DOP1A: variants seen among roughly 807,000 people sequenced by gnomAD.
DOP1A encodes the protein DOP1 leucine zipper like protein A.
DOP1A carries 90 observed loss-of-function variants against 267.6 expected under a neutral mutation model. The observed-to-expected ratio is 0.34, with a 90% CI of 0.28 to 0.40. The LOEUF (loss-of-function observed/expected upper bound fraction) is 0.40. Among genes scored for constraint, DOP1A ranks in the 10% least tolerant of loss-of-function variants. The pLI is 1.00. For missense variants in DOP1A, 2,437 were observed against 2,900.4 expected, an observed-to-expected ratio of 0.84 and a Z score of 3.67; for synonymous variants, 932 against 999.1, an observed-to-expected ratio of 0.93 and a Z score of 1.27.
At chr6:83,141,839 A>G in intron 23 of DOP1A, 82 bp from the exon 24 acceptor site, 1 of 1,459,154 alleles carries the variant, frequency 6.9e-7, no homozygotes. Context: ...TATTATTTCA[A>G]AGAAACCAAA....
At chr6:83,075,576 CA>C (rs1001635084) in intron 1 of DOP1A, among the ~76,000 whole-genome samples, 11 of 151,998 alleles carry the variant, frequency 7.2e-5, no homozygotes, top group Admixed American at 6.6e-5. Flanking sequence ...GGGTGGCTCT[CA>C]AAAAATGCAT....
At chr6:83,104,716 C>T (rs9353121) in intron 4 of DOP1A, among the ~76,000 whole-genome samples, 119,594 of 151,966 alleles carry the variant, frequency 0.79, 47,160 homozygotes, top group South Asian at 0.84. Flanking sequence ...AATTTGCCTA[C>T]TTTTACTAAA....
rs868143481 is a variant in DOP1A, at chr6:83,151,520, G to A, written c.5838-73G>A. On this transcript the variant is annotated intron_variant, in intron 27 of 38. Coordinates refer to ENST00000349129, the MANE Select transcript of DOP1A (RefSeq NM_015018.4). ...AGACCATTAAGCCGCTTAACTCATC[G>A]TGAGAAATTAGATCGCATTAGTTTC... The A allele has an allele frequency of 4.1e-5, 50 of 1,219,050 alleles. 2 individuals are homozygous for A. In the Middle Eastern group the frequency reaches 8.9e-3, roughly 217 times the overall value. The allele number at this position is 1,219,050 out of a possible 1,614,324, so 75.5% of individuals were successfully genotyped here.
chr6:83,117,766 T>C lies in DOP1A; in HGVS notation c.781-1122T>C, dbSNP rs552946992. ...GCTGGTTTTTACTTTGTGCACCCCC[T>C]GAAAAAGTCTTAGAGATACCTAGGG... On this transcript the variant is annotated intron_variant, in intron 7 of 38. Coordinates refer to ENST00000349129, the MANE Select transcript of DOP1A (RefSeq NM_015018.4). Among the ~76,000 whole-genome samples the C allele has an allele frequency of 2.0e-4, 30 of 152,300 alleles. 1 individual carries two copies. The highest frequency in any genetic ancestry group is 7.2e-4 in the African/African-American group (30 of 41,584).
In DOP1A at chr6:83,137,677, A is replaced by G. The variant is rs1779062844; in HGVS notation, c.3635A>G (p.Glu1212Gly). ...QQSQNALLSN[E>G]SSQFLSVSAE... Reference sequence around the variant, plus strand: ...AGTCAGAATGCTTTGCTGAGTAATGAAAGTTCTCAGTTTCTGTCTGTGTCT... The same window carrying G: ...AGTCAGAATGCTTTGCTGAGTAATGGAAGTTCTCAGTTTCTGTCTGTGTCT... The change falls in exon 21 of 39, where the codon GAA (glutamate) becomes GGA (glycine). Residue 1212 changes from glutamate (E) to glycine (G), a missense_variant. This residue lies in a region of DOP1A where 878 missense variants were observed against 992.9 expected (regional missense o/e 0.88). Coordinates refer to ENST00000349129, the MANE Select transcript of DOP1A (RefSeq NM_015018.4). The G allele has an allele frequency of 2.5e-6, 4 of 1,613,604 alleles. No homozygotes were observed. The highest frequency in any genetic ancestry group is 2.2e-5 in the East Asian group (1 of 44,872).
At position 83,075,010 on chromosome 6, in the gene DOP1A, G is replaced by T. The variant is rs1352654731; in HGVS notation, c.-147+7231G>T. Among the ~76,000 whole-genome samples the T allele has an allele frequency of 2.0e-5, 3 of 152,158 alleles. No individual in the cohort carries two copies. The East Asian group carries it at 5.8e-4, about 29-fold the overall frequency. On this transcript the variant is annotated intron_variant, in intron 1 of 38. Transcript: ENST00000349129. ...GCCCTCATCCATCCAGTTACCACCTGTCTCCTAGGAAGTAATGTTTAGTTT... is the reference window on the plus strand; with the variant it reads ...GCCCTCATCCATCCAGTTACCACCTTTCTCCTAGGAAGTAATGTTTAGTTT...
At chr6:83,165,965 AT>A in intron 38 of DOP1A, 4 of 335,798 alleles carry the variant, frequency 1.2e-5, no homozygotes, top group South Asian at 2.9e-5. Flanking sequence ...GACCATGACC[AT>A]TTTTTGGAGC....
In DOP1A at chr6:83,126,509, T is replaced by C. The variant is rs1319763383; in HGVS notation, c.1719+776T>C. 2.0e-5 allele frequency among the ~76,000 whole-genome samples: 3 copies of C among 152,090 alleles called. No homozygotes were observed. In the East Asian group the frequency reaches 5.8e-4, roughly 29 times the overall value. ...CATAGTCTCTGCCCTTCTCTATCCT[T>C]CCTTTCTAATTGGAAGAAAGATATT... On this transcript the variant is annotated intron_variant, in intron 15 of 38. Coordinates refer to ENST00000349129, the MANE Select transcript of DOP1A (RefSeq NM_015018.4).
chr6:83,155,998 C>T lies in DOP1A; in HGVS notation c.6499C>T (p.Arg2167Cys), dbSNP rs1782711663. ...CAGTTCACTTAATCTCTTTGCAAAC[C>T]GTGATGTGGAGCTAGAACAGAGAGC... ...QSSSLNLFAN[R>C]DVELEQRAML... is the part of the protein sequence containing the mutation. The change falls in exon 34 of 39, where the codon CGT becomes TGT. Residue 2167 changes from arginine to cysteine, a missense_variant. Transcript: ENST00000349129. 2 of 1,613,972 alleles carry T rather than the reference C, an allele frequency of 1.2e-6. No homozygotes were observed.
In DOP1A at chr6:83,102,232, T is replaced by C. The variant is rs186462660; in HGVS notation, c.320+1346T>C. Among the ~76,000 whole-genome samples the C allele has an allele frequency of 2.6e-5, 4 of 152,320 alleles. No homozygotes were observed. The East Asian group carries it at 7.7e-4, about 29-fold the overall frequency. On this transcript the variant is annotated intron_variant, in intron 4 of 38. Coordinates refer to ENST00000349129, the MANE Select transcript of DOP1A (RefSeq NM_015018.4). ...CACCATCTATCCATTTATATAACCCTCAAATCTGAGAGTTACACTTGTTAC... is the reference window on the plus strand; with the variant it reads ...CACCATCTATCCATTTATATAACCCCCAAATCTGAGAGTTACACTTGTTAC...
chr6:83,133,354 A>G (rs1778364831), intron 18 of DOP1A, among the ~76,000 whole-genome samples: 1 of 152,238 alleles, frequency 6.6e-6, no homozygotes, highest in East Asian at 1.9e-4. Flanking sequence ...ATCTTTTACT[A>G]CTTAATTTTT....
intron 38 of DOP1A, chr6:83,167,524 G>T (rs1786060743): frequency 9.8e-7 from 1 of 1,020,334 alleles, no homozygotes; most frequent in South Asian, 4.5e-5. Context: ...AGTAGTGAGG[G>T]TTCAGAAACC....
chr6:83,169,116 A>G, downstream of DOP1A: 2 of 1,506,090 alleles, frequency 1.3e-6, no homozygotes, highest in Non-Finnish European at 1.8e-6. Context: ...TCTAGAGACA[A>G]TCCAGTAGGC....
chr6:83,123,042 T>A, intron 12 of DOP1A, 60 bp downstream of exon 12: 1 of 1,514,540 alleles, frequency 6.6e-7, no homozygotes, highest in Non-Finnish European at 8.8e-7. Context: ...TTTGGGTTTT[T>A]TTTAAGTTGT....
At position 83,132,348 on chromosome 6, in the gene DOP1A, G is replaced by A; in HGVS notation, c.2769+20G>A. On this transcript the variant is annotated intron_variant, in intron 18 of 38. Coordinates refer to ENST00000349129, the MANE Select transcript of DOP1A (RefSeq NM_015018.4). ...GATAAGGTAAATCCTCTTATCTTGT[G>A]CACACCGCCCCCTCCGCCACACACA... is the stretch of plus-strand genomic sequence containing the variant. 6.3e-7 allele frequency: 1 copy of A among 1,584,578 alleles called. No individual in the cohort carries two copies. Among genetic ancestry groups the A allele is most frequent in the Non-Finnish European group, 8.6e-7 (1 of 1,159,618 alleles).
intron 4 of DOP1A, among the ~76,000 whole-genome samples, chr6:83,103,933 C>CCCTTATT (rs1773076961): frequency 6.6e-6 from 1 of 152,114 alleles, no homozygotes; most frequent in Non-Finnish European, 1.5e-5. Flanking sequence ...ATATGTATTA[C>CCCTTATT]CCTTATTCTG....
intron 1 of DOP1A, among the ~76,000 whole-genome samples, chr6:83,088,615 T>G (rs1195261929): frequency 1.3e-5 from 2 of 151,808 alleles, no homozygotes; most frequent in African/African-American, 4.8e-5. Context: ...TAGAGACGGG[T>G]TTCACCATGT....
At chr6:83,132,477 TTAAAA>T in intron 18 of DOP1A, 149 bp downstream of exon 18, 1 of 855,046 alleles carries the variant, frequency 1.2e-6, no homozygotes, top group Non-Finnish European at 1.6e-6. Flanking sequence ...CTTAATATCT[TTAAAA>T]TAAATGTATT....
At chr6:83,104,130 G>A (rs1263655554) in intron 4 of DOP1A, among the ~76,000 whole-genome samples, 3 of 152,114 alleles carry the variant, frequency 2.0e-5, no homozygotes, top group Non-Finnish European at 4.4e-5. Flanking sequence ...GTAGAAATAT[G>A]AAGGTGTTTT....
Sources: gnomAD v4.1 joint callset for allele counts (sites outside exome capture counted in the v4.1 genomes callset) on GRCh38, gnomAD v4.1.1 for gene constraint, gnomAD v4.1.1 regional missense constraint, MANE v1.5 for transcripts, NCBI Gene and HGNC (gene_info 2026-07-23, HGNC 2026-07-21) for gene names.